PCDHGA8: variants seen among roughly 807,000 people sequenced by gnomAD.
PCDHGA8 encodes the protein protocadherin gamma-A8.
In PCDHGA8, 45 loss-of-function variants were observed where a neutral mutation model predicts 59.2. The ratio of observed to expected loss-of-function variants is 0.76; its 90% CI spans 0.60 to 0.98. PCDHGA8 has a LOEUF of 0.98. Among genes scored for constraint, PCDHGA8 ranks in the 50% least tolerant of loss-of-function variants. PCDHGA8 has a pLI of 0.00. For missense variants in PCDHGA8, 1,257 were observed against 1,196.2 expected, an observed-to-expected ratio of 1.05 and a Z score of -0.75; for synonymous variants, 531 against 519.0, an observed-to-expected ratio of 1.02 and a Z score of -0.32.
rs746834673 is a variant in PCDHGA8, at chr5:141,394,045, A to G, written c.1232A>G (p.Asp411Gly). ...YYRLVTRKYL[D>G]RENVSIYNIT... ...AGATTAGTGACAAGGAAATATTTGG[A>G]CCGAGAAAATGTCTCTATCTACAAT... The change falls in exon 1 of 4, where the codon GAC (aspartate) becomes GGC (glycine). Residue 411 changes from aspartate to glycine, a missense_variant. Physicochemically the swap from Asp to Gly is moderately conservative, Grantham distance 94. Transcript: ENST00000398604. 6 of 1,613,706 alleles carry G rather than the reference A, an allele frequency of 3.7e-6. No individual in the cohort carries two copies. The highest frequency in any genetic ancestry group is 1.6e-4 in the Middle Eastern group (1 of 6,062).
At chr5:141,395,259 C>CT in intron 1 of PCDHGA8, 22 bp downstream of exon 1, 1 of 1,551,968 alleles carries the variant, frequency 6.4e-7, no homozygotes, top group Non-Finnish European at 8.7e-7. Flanking sequence ...TCTTTGCTTG[C>CT]TTTTAATTTC....
intron 1 of PCDHGA8, among the ~76,000 whole-genome samples, chr5:141,448,728 C>T (rs575604763): frequency 6.6e-6 from 1 of 151,986 alleles, no homozygotes; most frequent in Non-Finnish European, 1.5e-5. Context: ...ATCACGAGGT[C>T]AGGAGATCGA....
chr5:141,399,131 A>T, intron 1 of PCDHGA8: 1 of 1,613,856 alleles, frequency 6.2e-7, no homozygotes, highest in African/African-American at 1.3e-5. Context: ...AATATTCAAG[A>T]TGAAAATGAC....
intron 1 of PCDHGA8, chr5:141,418,096 G>A (rs772001018): frequency 6.2e-7 from 1 of 1,614,078 alleles, no homozygotes; most frequent in East Asian, 2.2e-5. Context: ...GCGTAGACGC[G>A]CAGAGCGGGG....
At chr5:141,409,988 GC>G in intron 1 of PCDHGA8, 1 of 1,613,278 alleles carries the variant, frequency 6.2e-7, no homozygotes, top group Non-Finnish European at 8.5e-7. Flanking sequence ...AGCGGTGGAC[GC>G]CGACTCGGGA....
Position 141,477,797 on chromosome 5 carries a change from A to G in PCDHGA8, c.2425-17010A>G. ...CGTGAACATATTTGTCACTGATCGC[A>G]ATGACAATGCCCCCCAGGTCCTATA... On this transcript the variant is annotated intron_variant, in intron 1 of 3. Coordinates refer to ENST00000398604, the MANE Select transcript of PCDHGA8 (RefSeq NM_032088.2). This position sits in a 1 kb window ranked among gnomAD's most constrained non-coding sequence, Gnocchi z 4.9. 1.2e-6 allele frequency: 2 copies of G among 1,614,082 alleles called. No individual in the cohort carries two copies. Among genetic ancestry groups the G allele is most frequent in the Non-Finnish European group, 1.7e-6 (2 of 1,180,032 alleles).
Position 141,510,942 on chromosome 5 carries a change from T to C in PCDHGA8, c.2573-5T>C, listed in dbSNP as rs769766039. On this transcript the variant is annotated splice_region_variant and splice_polypyrimidine_tract_variant and intron_variant, in intron 3 of 3. Transcript: ENST00000398604. ...CTCCCACCTGATCTTCCTCTGTCTCTGCAGAAGCTGCTGATGGGAGCTCCA... is the reference window on the plus strand; with the variant it reads ...CTCCCACCTGATCTTCCTCTGTCTCCGCAGAAGCTGCTGATGGGAGCTCCA... 5 of 1,613,984 alleles carry C rather than the reference T, an allele frequency of 3.1e-6. No homozygotes were observed. The highest frequency in any genetic ancestry group is 4.2e-6 in the Non-Finnish European group (5 of 1,180,014).
intron 1 of PCDHGA8, among the ~76,000 whole-genome samples, chr5:141,434,384 G>T (rs980455943): frequency 2.6e-5 from 4 of 152,208 alleles, no homozygotes; most frequent in African/African-American, 4.8e-5. Context: ...CCCAAAACTG[G>T]CCATAAACAA....
chr5:141,458,674 A>G (rs1315462699), intron 1 of PCDHGA8, among the ~76,000 whole-genome samples: 1 of 152,104 alleles, frequency 6.6e-6, no homozygotes, highest in East Asian at 1.9e-4. Flanking sequence ...GGTTCAAGCA[A>G]TTCTACTGCC....
At chr5:141,454,311 T>G (rs755771201) in intron 1 of PCDHGA8, among the ~76,000 whole-genome samples, 6 of 152,216 alleles carry the variant, frequency 3.9e-5, no homozygotes, top group Admixed American at 2.6e-4. Context: ...TTTCAAAGCA[T>G]TGAAACCTCC....
At position 141,485,240 on chromosome 5, in the gene PCDHGA8, C is replaced by G; in HGVS notation, c.2425-9567C>G. On this transcript the variant is annotated intron_variant, in intron 1 of 3. Coordinates refer to ENST00000398604, the MANE Select transcript of PCDHGA8 (RefSeq NM_032088.2). This position sits in a 1 kb window ranked among gnomAD's most constrained non-coding sequence, Gnocchi z 5.7. The stretch of plus-strand genomic sequence containing the variant: ...GGCTACCCTTTTGTTCCTCTTTTAC[C>G]ACCTGGGTTACGTTTGTGGGCAGAT... The G allele has an allele frequency of 6.2e-7, 1 of 1,614,174 alleles. No individual in the cohort carries two copies. The highest frequency in any genetic ancestry group is 8.5e-7 in the Non-Finnish European group (1 of 1,180,024).
At position 141,491,681 on chromosome 5, in the gene PCDHGA8, C is replaced by T; in HGVS notation, c.2425-3126C>T. 6.2e-6 allele frequency: 10 copies of T among 1,613,458 alleles called. No homozygotes were observed. Among genetic ancestry groups the T allele is most frequent in the Non-Finnish European group, 8.5e-6 (10 of 1,179,804 alleles). On this transcript the variant is annotated intron_variant, in intron 1 of 3. Transcript: ENST00000398604. The surrounding 1 kb of genome is among the most constrained non-coding windows in gnomAD (Gnocchi z 6.9). ...GACGCCATCCGGTCCCGCTCTAATA[C>T]GCTGCGGGAGCGGAGCCAGGTGAGG...
chr5:141,489,913 A>G lies in PCDHGA8; in HGVS notation c.2425-4894A>G. 1 of 1,614,208 alleles carries G rather than the reference A, an allele frequency of 6.2e-7. No homozygotes were observed. Among genetic ancestry groups the G allele is most frequent in the Non-Finnish European group, 8.5e-7 (1 of 1,180,044 alleles). Reference sequence around the variant, plus strand: ...TGGGGGGACCCCAGCCCGCTCAGGGACCACCCTTATCTCTGTCATCGTGCT... The same window carrying G: ...TGGGGGGACCCCAGCCCGCTCAGGGGCCACCCTTATCTCTGTCATCGTGCT... On this transcript the variant is annotated intron_variant, in intron 1 of 3. Transcript: ENST00000398604. The surrounding 1 kb of genome is among the most constrained non-coding windows in gnomAD (Gnocchi z 4.5).
At chr5:141,461,893 G>A (rs2099025951) in intron 1 of PCDHGA8, among the ~76,000 whole-genome samples, 1 of 151,772 alleles carries the variant, frequency 6.6e-6, no homozygotes, top group African/African-American at 2.4e-5. Context: ...GCACGATCTC[G>A]GCTCACTGCA....
chr5:141,505,287 TG>T, intron 2 of PCDHGA8, 105 bp from the exon 3 acceptor site: 1 of 1,550,864 alleles, frequency 6.4e-7, no homozygotes, highest in Middle Eastern at 2.1e-4. Context: ...GTCTTGGGCA[TG>T]GGGTAGGGTT....
Position 141,490,800 on chromosome 5 carries a change from TACCTTTG to T in PCDHGA8, c.2425-4004_2425-3998del, listed in dbSNP as rs763340907. Reference sequence around the variant, plus strand: ...AGGATGGACGGATCTTTGCCCAGCGTACCTTTGACTATGAATTGCTGCAGATGCTGCA... The same window carrying T: ...AGGATGGACGGATCTTTGCCCAGCGTACTATGAATTGCTGCAGATGCTGCA... On this transcript the variant is annotated intron_variant, in intron 1 of 3. Transcript: ENST00000398604. The surrounding 1 kb of genome is among the most constrained non-coding windows in gnomAD (Gnocchi z 5.4). 2.5e-6 allele frequency: 4 copies of T among 1,613,968 alleles called. No homozygotes were observed. The highest frequency in any genetic ancestry group is 1.7e-6 in the Non-Finnish European group (2 of 1,179,894).
chr5:141,409,881 C>T (rs2095330257), intron 1 of PCDHGA8: 1 of 1,612,978 alleles, frequency 6.2e-7, no homozygotes, highest in Non-Finnish European at 8.5e-7. Context: ...GACAACGCAC[C>T]GCGGGTGCTG....
At chr5:141,399,708 A>C (rs769072460) in intron 1 of PCDHGA8, 50 of 1,613,374 alleles carry the variant, frequency 3.1e-5, no homozygotes, top group Non-Finnish European at 4.2e-5. Context: ...TCGAACTCAC[A>C]CTACAGGCCC....
At chr5:141,399,598 G>A in intron 1 of PCDHGA8, 1 of 1,613,964 alleles carries the variant, frequency 6.2e-7, no homozygotes, top group Non-Finnish European at 8.5e-7. Context: ...CATGGCCAGC[G>A]ACCTAGAGCC....
Sources: allele counts gnomAD v4.1 joint callset (sites outside exome capture counted in the v4.1 genomes callset), GRCh38; gene constraint gnomAD v4.1.1; non-coding constraint Gnocchi (gnomAD v3.1); transcripts MANE v1.5; gene names NCBI Gene and HGNC (gene_info 2026-07-23, HGNC 2026-07-21).